Variants in MCMDC2 observed in about 807,000 individuals in gnomAD.
MCMDC2 encodes minichromosome maintenance domain containing 2, also known as minichromosome maintenance domain-containing protein 2.
MCMDC2 carries 54 observed loss-of-function variants against 75.8 expected under a neutral mutation model. The observed-to-expected ratio is 0.71, with a 90% CI of 0.57 to 0.89. The LOEUF (loss-of-function observed/expected upper bound fraction) is 0.89, where lower values mean the gene tolerates loss of function less well. Ranked by LOEUF, MCMDC2 falls within the 40% of genes least tolerant of loss-of-function variation. The pLI is 0.00. For synonymous variants in MCMDC2, 249 were observed against 274.6 expected (o/e 0.91, Z 0.92); for missense variants, 656 against 780.4 (o/e 0.84, Z 1.90).
chr8:66,883,680 A>G (rs1321630470), intron 8 of MCMDC2, 77 bp from the exon 9 acceptor site: 1 of 752,392 alleles, frequency 1.3e-6, no homozygotes, highest in African/African-American at 1.8e-5. Flanking sequence ...AACATTTTAG[A>G]TAAAGGGAGT....
At chr8:66,915,171 T>A (rs57717028) in intron 14 of MCMDC2, among the ~76,000 whole-genome samples, 2,762 of 151,252 alleles carry the variant, frequency 0.018, 86 homozygotes, top group African/African-American at 0.062. Flanking sequence ...TTAAAAAAAA[T>A]AAAATAAATG....
intron 14 of MCMDC2, among the ~76,000 whole-genome samples, chr8:66,911,524 G>T (rs1813120855): frequency 6.6e-6 from 1 of 152,128 alleles, no homozygotes; most frequent in African/African-American, 2.4e-5. Context: ...AGACTTTCTT[G>T]AAGTATTTAC....
At chr8:66,913,004 GA>G (rs1340747227) in intron 14 of MCMDC2, among the ~76,000 whole-genome samples, 1 of 150,570 alleles carries the variant, frequency 6.6e-6, no homozygotes, top group Non-Finnish European at 1.5e-5. Context: ...AATCTTTCAT[GA>G]AAGGAAGAGT....
intron 1 of MCMDC2, 134 bp from the exon 2 acceptor site, chr8:66,873,919 A>G: frequency 2.6e-6 from 1 of 384,114 alleles, no homozygotes; most frequent in Non-Finnish European, 4.6e-6. Context: ...GCAAAAGAAA[A>G]CAAAAGTTTT....
intron 10 of MCMDC2, 74 bp from the exon 11 acceptor site, chr8:66,896,096 A>T: frequency 7.7e-7 from 1 of 1,301,036 alleles, no homozygotes; most frequent in South Asian, 1.3e-5. Context: ...TATATATAAT[A>T]ATGTGTTAGC....
intron 9 of MCMDC2, among the ~76,000 whole-genome samples, chr8:66,888,553 A>G (rs543827257): frequency 6.6e-6 from 1 of 152,252 alleles, no homozygotes; most frequent in Admixed American, 6.5e-5. Context: ...AATTTCTCTC[A>G]GTGATGTTTT....
Position 66,874,464 on chromosome 8 carries a change from A to G in MCMDC2, c.225+8A>G, listed in dbSNP as rs922754907. 5.5e-5 allele frequency: 88 copies of G among 1,611,162 alleles called. No homozygotes were observed. The highest frequency in any genetic ancestry group is 7.5e-5 in the Non-Finnish European group (88 of 1,179,306). On this transcript the variant is annotated splice_region_variant and intron_variant, in intron 3 of 14. Coordinates refer to ENST00000422365, the MANE Select transcript of MCMDC2 (RefSeq NM_173518.5). The stretch of plus-strand genomic sequence containing the variant: ...GCTGAAGTCTTTCAATCAGTAAGTC[A>G]AAAAAAGAAATAATTTTATGCCACA...
chr8:66,871,740 G>T (rs568318334), intron 1 of MCMDC2, among the ~76,000 whole-genome samples: 1 of 151,934 alleles, frequency 6.6e-6, no homozygotes, highest in East Asian at 1.9e-4. Context: ...GTAAAACTCC[G>T]TCTCTACAAA....
chr8:66,923,667 C>G (rs1813630710), downstream of MCMDC2, among the ~76,000 whole-genome samples: 3 of 151,978 alleles, frequency 2.0e-5, no homozygotes, highest in African/African-American at 7.2e-5. Flanking sequence ...GGGGTCGGGG[C>G]GGGTGGATCA....
intron 10 of MCMDC2, among the ~76,000 whole-genome samples, chr8:66,893,358 TA>T (rs1013828686): frequency 3.9e-5 from 6 of 152,128 alleles, no homozygotes; most frequent in Admixed American, 3.9e-4. Context: ...AAAAAAGCAA[TA>T]AAAGCAAAAT....
rs1399178432 is a variant in MCMDC2, at chr8:66,896,124, A to G, written c.1280-46A>G. 7.7e-6 allele frequency: 12 copies of G among 1,555,986 alleles called. No individual in the cohort carries two copies. In the Admixed American group the frequency reaches 2.2e-4, roughly 29 times the overall value. ...GTGTTAGCAATTTGTAGACATTTAG[A>G]CCAAAATGAACTTAAATAACAAATG... On this transcript the variant is annotated intron_variant, in intron 10 of 14. Transcript: ENST00000422365.
At chr8:66,922,073 AAC>A (rs1216663116), downstream of MCMDC2, 1 of 152,788 alleles carries the variant, frequency 6.5e-6, no homozygotes, top group Non-Finnish European at 1.5e-5. Context: ...TGTTTTCTTG[AAC>A]ACGTCTTCAA....
In MCMDC2 at chr8:66,917,511, G is replaced by A. The variant is rs149685182; in HGVS notation, c.1880-1492G>A. Among the ~76,000 whole-genome samples, 90 of 152,088 alleles carry A rather than the reference G, an allele frequency of 5.9e-4. 1 individual carries two copies. The East Asian group carries it at 0.016, about 26-fold the overall frequency. On this transcript the variant is annotated intron_variant, in intron 14 of 14. Coordinates refer to ENST00000422365, the MANE Select transcript of MCMDC2 (RefSeq NM_173518.5). ...TGGGCAACCATCACCACCCTTCGTCGCCAGAGCTTTTTCATCTTCCCAAAC... is the reference window on the plus strand; with the variant it reads ...TGGGCAACCATCACCACCCTTCGTCACCAGAGCTTTTTCATCTTCCCAAAC...
At chr8:66,882,456 C>T (rs1036746762) in intron 8 of MCMDC2, among the ~76,000 whole-genome samples, 3 of 152,074 alleles carry the variant, frequency 2.0e-5, no homozygotes, top group South Asian at 2.1e-4. Context: ...ACCTCCACCT[C>T]CCGAGTTCAA....
chr8:66,893,287 T>C (rs1812196872), intron 10 of MCMDC2, among the ~76,000 whole-genome samples: 1 of 152,166 alleles, frequency 6.6e-6, no homozygotes. Flanking sequence ...GGCAAGAGGA[T>C]TGCTGGAGGC....
intron 12 of MCMDC2, among the ~76,000 whole-genome samples, chr8:66,899,590 G>A (rs911809684): frequency 6.6e-6 from 1 of 151,968 alleles, no homozygotes; most frequent in African/African-American, 2.4e-5. Flanking sequence ...CCGCCTGCTG[G>A]GTTCAAGTGA....
At chr8:66,878,180 A>G (rs559449525) in intron 5 of MCMDC2, among the ~76,000 whole-genome samples, 8 of 152,174 alleles carry the variant, frequency 5.3e-5, no homozygotes, top group Non-Finnish European at 1.2e-4. Flanking sequence ...GGACTTCAAA[A>G]TTATCCCCAC....
chr8:66,878,772 T>A, intron 6 of MCMDC2, 43 bp from the exon 7 acceptor site: 1 of 1,442,290 alleles, frequency 6.9e-7, no homozygotes, highest in Non-Finnish European at 9.4e-7. Context: ...TTAAATTGAA[T>A]ATATATTCTA....
chr8:66,901,654 G>A (rs774375358), intron 13 of MCMDC2: 526 of 1,054,152 alleles, frequency 5.0e-4, no homozygotes, highest in Non-Finnish European at 5.9e-4. Context: ...GCTGTTGGGC[G>A]GGCACGGTGG....
Sources: gnomAD v4.1 joint callset for allele counts (sites outside exome capture counted in the v4.1 genomes callset) on GRCh38, gnomAD v4.1.1 for gene constraint, MANE v1.5 for transcripts, NCBI Gene and HGNC (gene_info 2026-07-23, HGNC 2026-07-21) for gene names.